The following SDK1 variants were observed in gnomAD, a reference collection of about 807,000 sequenced individuals.
The protein encoded by SDK1 is protein sidekick-1.
In SDK1, 157 loss-of-function variants were observed where a neutral mutation model predicts 245.5. That is an observed-to-expected ratio of 0.64 (90% CI 0.56 to 0.73). The LOEUF (loss-of-function observed/expected upper bound fraction) is 0.73. Ranked by LOEUF, SDK1 falls within the 30% of genes least tolerant of loss-of-function variation. The pLI is 0.00. For missense variants in SDK1, 3,583 were observed against 3,002.3 expected (o/e 1.19, Z -4.52); for synonymous variants, 1,647 against 1,278.5 (o/e 1.29, Z -6.15).
intron 1 of SDK1, among the ~76,000 whole-genome samples, chr7:3,567,341 G>C (rs538911653): frequency 3.9e-4 from 59 of 152,224 alleles, no homozygotes; most frequent in Non-Finnish European, 6.9e-4. Context: ...GTACTTGTGA[G>C]AGTAAATGCC....
chr7:3,890,994 AGGCCAGCCTAACCTTAGCTGGGCTCTAT>A (rs1781445309), intron 5 of SDK1, among the ~76,000 whole-genome samples: 1 of 152,168 alleles, frequency 6.6e-6, no homozygotes, highest in African/African-American at 2.4e-5. Context: ...GGGCCCAACC[AGGCCAGCCTAACCTTAGCTGGGCTCTAT>A]GTGTTTTACA....
intron 1 of SDK1, among the ~76,000 whole-genome samples, chr7:3,501,451 C>T (rs1033979403): frequency 6.6e-6 from 1 of 151,690 alleles, no homozygotes; most frequent in African/African-American, 2.4e-5. Context: ...AGGGATTGGC[C>T]TGTGCGTAAA....
Position 4,012,255 on chromosome 7 carries a change from C to T in SDK1, c.2420+20C>T. 6.8e-7 allele frequency: 1 copy of T among 1,466,542 alleles called. No individual in the cohort carries two copies. The highest frequency in any genetic ancestry group is 9.0e-7 in the Non-Finnish European group (1 of 1,108,148). The allele number at this position is 1,466,542 out of a possible 1,614,324, so 90.8% of individuals were successfully genotyped here. On this transcript the variant is annotated intron_variant, in intron 16 of 44. Coordinates refer to ENST00000404826, the MANE Select transcript of SDK1 (RefSeq NM_152744.4). ...CCTCAGGCAAGTGCCCTGTGATTGG[C>T]CATCTTTAGGCCGCCATTAGAGTTG...
chr7:3,659,753 A>G (rs1454801835), intron 4 of SDK1, among the ~76,000 whole-genome samples: 1 of 152,218 alleles, frequency 6.6e-6, no homozygotes, highest in Non-Finnish European at 1.5e-5. Flanking sequence ...CGGAGAGAAT[A>G]CGTAGGAAGC....
At chr7:3,641,464 T>C (rs1461078930) in intron 3 of SDK1, among the ~76,000 whole-genome samples, 1 of 152,028 alleles carries the variant, frequency 6.6e-6, no homozygotes, top group Admixed American at 6.6e-5. Flanking sequence ...TCTTCAGTGG[T>C]TAGGAAATAT....
intron 4 of SDK1, among the ~76,000 whole-genome samples, chr7:3,679,714 A>T (rs530522597): frequency 6.6e-6 from 1 of 152,342 alleles, no homozygotes; most frequent in South Asian, 2.1e-4. Flanking sequence ...TTCACTTCCT[A>T]CCTATCAGAA....
chr7:3,417,207 C>T (rs1399330073), intron 1 of SDK1, among the ~76,000 whole-genome samples: 3 of 152,110 alleles, frequency 2.0e-5, no homozygotes, highest in Non-Finnish European at 4.4e-5. Context: ...CTAGCGAGCC[C>T]TACAGCTGCA....
chr7:4,170,303 C>T (rs1781756438), intron 32 of SDK1, among the ~76,000 whole-genome samples: 1 of 152,024 alleles, frequency 6.6e-6, no homozygotes, highest in Non-Finnish European at 1.5e-5. Flanking sequence ...AAAAATTAGC[C>T]TGGTGTGGTG....
At chr7:4,091,345 T>C (rs1462744208) in intron 22 of SDK1, among the ~76,000 whole-genome samples, 11 of 140,668 alleles carry the variant, frequency 7.8e-5, no homozygotes, top group Admixed American at 7.0e-5. Context: ...TTTTTTTTTT[T>C]TTTTTTTTTT....
Position 3,657,908 on chromosome 7 carries a change from A to G in SDK1, c.713+15803A>G, listed in dbSNP as rs372307619. 1.4e-3 allele frequency among the ~76,000 whole-genome samples: 211 copies of G among 152,292 alleles called. 2 individuals are homozygous for G. The highest frequency in any genetic ancestry group is 5.0e-3 in the African/African-American group (207 of 41,556). ...TCATCTGTCAGACATAGAGCCGAGG[A>G]TGGAGGTTGGCATTTGAATGATACC... On this transcript the variant is annotated intron_variant, in intron 4 of 44. Coordinates refer to ENST00000404826, the MANE Select transcript of SDK1 (RefSeq NM_152744.4).
At chr7:4,087,571 A>G (rs369989239) in intron 22 of SDK1, among the ~76,000 whole-genome samples, 11 of 152,240 alleles carry the variant, frequency 7.2e-5, no homozygotes, top group African/African-American at 2.6e-4. Context: ...CTTTCTGTTC[A>G]GGATCATGCT....
chr7:3,689,108 G>A (rs942470203), intron 4 of SDK1, among the ~76,000 whole-genome samples: 3 of 152,220 alleles, frequency 2.0e-5, no homozygotes, highest in Non-Finnish European at 2.9e-5. Flanking sequence ...GAGTTGAGTA[G>A]TTGTGACAGG....
At chr7:3,579,197 A>G (rs1412248554) in intron 1 of SDK1, among the ~76,000 whole-genome samples, 1 of 151,060 alleles carries the variant, frequency 6.6e-6, no homozygotes, top group African/African-American at 2.4e-5. Flanking sequence ...AGGCAGCATC[A>G]TCCTGATAGC....
At position 3,359,674 on chromosome 7, in the gene SDK1, C is replaced by T. The variant is rs573543561; in HGVS notation, c.298+57790C>T. On this transcript the variant is annotated intron_variant, in intron 1 of 44. Coordinates refer to ENST00000404826, the MANE Select transcript of SDK1 (RefSeq NM_152744.4). ...TCCACTCCAGGAGATGCTGGGCTCC[C>T]GGGTGGCGCGCTGTGAGGATGCTCG... Among the ~76,000 whole-genome samples, 11 of 152,166 alleles carry T rather than the reference C, an allele frequency of 7.2e-5. No individual in the cohort carries two copies. The East Asian group carries it at 9.7e-4, about 13-fold the overall frequency.
intron 25 of SDK1, among the ~76,000 whole-genome samples, chr7:4,116,432 C>T (rs374043842): frequency 1.2e-4 from 18 of 152,308 alleles, no homozygotes; most frequent in Middle Eastern, 6.8e-3. Flanking sequence ...ACGTGCCACC[C>T]GCTCTGTGTG....
At chr7:3,434,047 C>T (rs924316695) in intron 1 of SDK1, among the ~76,000 whole-genome samples, 1 of 152,162 alleles carries the variant, frequency 6.6e-6, no homozygotes, top group African/African-American at 2.4e-5. Flanking sequence ...TTTGTGCAGT[C>T]AATAGAAGGA....
chr7:3,473,240 A>G (rs1345694014), intron 1 of SDK1, among the ~76,000 whole-genome samples: 2 of 152,208 alleles, frequency 1.3e-5, no homozygotes, highest in Non-Finnish European at 2.9e-5. Context: ...TTCCTACTCC[A>G]AGCCTTTCAC....
At chr7:3,316,966 G>A (rs1231149208) in intron 1 of SDK1, among the ~76,000 whole-genome samples, 2 of 151,864 alleles carry the variant, frequency 1.3e-5, no homozygotes, top group African/African-American at 4.8e-5. Context: ...GATCTCTTGA[G>A]GCCAGGAGTT....
chr7:3,796,469 A>G (rs535246066), intron 4 of SDK1, among the ~76,000 whole-genome samples: 68 of 152,324 alleles, frequency 4.5e-4, no homozygotes, highest in African/African-American at 1.6e-3. Flanking sequence ...CGACCCCTGC[A>G]CATTCCCTGC....
Sources: allele counts gnomAD v4.1 joint callset (sites outside exome capture counted in the v4.1 genomes callset), GRCh38; gene constraint gnomAD v4.1.1; transcripts MANE v1.5; gene names NCBI Gene and HGNC (gene_info 2026-07-23, HGNC 2026-07-21).